The following SNX25 variants were observed in gnomAD, a reference collection of about 807,000 sequenced individuals.
SNX25 encodes sorting nexin 25.
In SNX25, 62 loss-of-function variants were observed where a neutral mutation model predicts 113.7. The observed-to-expected ratio is 0.55, with a 90% confidence interval of 0.44 to 0.67. The LOEUF (loss-of-function observed/expected upper bound fraction) is 0.67. Ranked by LOEUF, SNX25 falls within the 30% of genes least tolerant of loss-of-function variation. The pLI is 0.00. For missense variants in SNX25, 1,014 were observed against 1,161.0 expected (o/e 0.87, Z 1.84); for synonymous variants, 421 against 436.2 (o/e 0.97, Z 0.43).
At chr4:185,365,353 ATTCTTT>A (rs1419766912), downstream of SNX25, 1 of 151,808 alleles carries the variant, frequency 6.6e-6, no homozygotes, top group African/African-American at 2.4e-5. Flanking sequence ...CTATTTTAAG[ATTCTTT>A]TTATTTTTTT....
intron 1 of SNX25, among the ~76,000 whole-genome samples, chr4:185,245,068 C>A (rs185339925): frequency 6.6e-6 from 1 of 151,924 alleles, no homozygotes; most frequent in Non-Finnish European, 1.5e-5. Flanking sequence ...TGAGGGCAAC[C>A]GTAACATTAG....
At chr4:185,236,240 A>C (rs943027278) in intron 1 of SNX25, among the ~76,000 whole-genome samples, 2 of 151,382 alleles carry the variant, frequency 1.3e-5, no homozygotes, top group African/African-American at 4.9e-5. Flanking sequence ...TTTCCCTATA[A>C]CTTTTTATAA....
intron 2 of SNX25, 90 bp downstream of exon 2, chr4:185,247,468 T>C (rs1161740764): frequency 6.9e-6 from 7 of 1,009,322 alleles, no homozygotes; most frequent in Non-Finnish European, 1.1e-5. Context: ...AATTTATTCT[T>C]CTTGTCTGCA....
chr4:185,256,359 T>C (rs1746425458), intron 2 of SNX25, among the ~76,000 whole-genome samples: 2 of 152,356 alleles, frequency 1.3e-5, no homozygotes, highest in East Asian at 1.9e-4. Flanking sequence ...TTTTGAGTTA[T>C]GAAATTTAAA....
At chr4:185,315,424 C>T (rs1430301939) in intron 7 of SNX25, among the ~76,000 whole-genome samples, 2 of 151,076 alleles carry the variant, frequency 1.3e-5, no homozygotes, top group African/African-American at 4.9e-5. Flanking sequence ...CTCCCGAGTA[C>T]CTGGAATTAC....
chr4:185,264,139 A>G (rs2280665), intron 3 of SNX25, among the ~76,000 whole-genome samples: 60,141 of 152,064 alleles, frequency 0.4, 12,477 homozygotes, highest in East Asian at 0.58. Flanking sequence ...CTTAAAAATT[A>G]CTAAATAAAT....
chr4:185,274,305 C>T (rs1251693944), intron 5 of SNX25, among the ~76,000 whole-genome samples: 1 of 152,094 alleles, frequency 6.6e-6, no homozygotes, highest in Admixed American at 6.5e-5. Flanking sequence ...ATGATCCACC[C>T]GCTTCTGCCT....
At chr4:185,206,480 T>C (rs901071406), upstream of SNX25, among the ~76,000 whole-genome samples, 1 of 76,620 alleles carries the variant, frequency 1.3e-5, no homozygotes, top group African/African-American at 7.6e-5. Flanking sequence ...ACCAGCCCGA[T>C]GAACCCCATC....
intron 16 of SNX25, among the ~76,000 whole-genome samples, chr4:185,360,699 A>T (rs1215898118): frequency 3.3e-5 from 5 of 152,108 alleles, no homozygotes; most frequent in Admixed American, 2.6e-4. Flanking sequence ...CTGTAATCCC[A>T]GCACTTTGGG....
At chr4:185,289,924 G>C (rs1751910801) in intron 6 of SNX25, among the ~76,000 whole-genome samples, 1 of 152,186 alleles carries the variant, frequency 6.6e-6, no homozygotes, top group Non-Finnish European at 1.5e-5. Context: ...CACAGTTCTG[G>C]AGGCTGGAAA....
chr4:185,342,930 G>A (rs994592874), intron 12 of SNX25, among the ~76,000 whole-genome samples: 4 of 151,802 alleles, frequency 2.6e-5, no homozygotes, highest in South Asian at 2.1e-4. Flanking sequence ...CTGCTCTGTC[G>A]CCCAGGCTGG....
At chr4:185,307,723 C>T (rs1288566) in intron 6 of SNX25, among the ~76,000 whole-genome samples, 63,681 of 151,986 alleles carry the variant, frequency 0.42, 13,522 homozygotes, top group East Asian at 0.54. Flanking sequence ...TCTCTGATCT[C>T]TTCACCTGTC....
chr4:185,296,522 A>G (rs1173016265), intron 6 of SNX25, among the ~76,000 whole-genome samples: 1 of 152,010 alleles, frequency 6.6e-6, no homozygotes, highest in Admixed American at 6.6e-5. Flanking sequence ...TTCTTTTGGA[A>G]TTTTGGTCTT....
chr4:185,365,487 C>G (rs1351270574), downstream of SNX25: 1 of 152,046 alleles, frequency 6.6e-6, no homozygotes, highest in African/African-American at 2.4e-5. Flanking sequence ...TCCCGAGTAG[C>G]TGGGACTACA....
chr4:185,368,032 G>C (rs1234951374), downstream of SNX25, among the ~76,000 whole-genome samples: 2 of 152,078 alleles, frequency 1.3e-5, no homozygotes, highest in Non-Finnish European at 2.9e-5. Context: ...ACAAAAATTA[G>C]CCAGGCGTGG....
rs758163960 is a variant in SNX25 at position 185,323,786 on chromosome 4, A to C, written c.1735A>C (p.Asn579His). Reference protein sequence around the residue: ...EEKHASQMISNKDEMGPRDEA... With the variant: ...EEKHASQMISHKDEMGPRDEA... Reference sequence around the variant, plus strand: ...AAAACATGCCTCACAGATGATTTCCAACAAGGATGAGATGGTGAGTCACAT... The same window carrying C: ...AAAACATGCCTCACAGATGATTTCCCACAAGGATGAGATGGTGAGTCACAT... The change falls in exon 9 of 19, where the codon AAC becomes CAC. Residue 579 changes from asparagine to histidine, a missense_variant. By Grantham distance (68) the Asn-to-His change is moderately conservative. Transcript: ENST00000652585. The C allele has an allele frequency of 1.9e-6, 3 of 1,613,184 alleles. No individual in the cohort carries two copies. The South Asian group carries it at 3.3e-5, about 18-fold the overall frequency.
intron 1 of SNX25, among the ~76,000 whole-genome samples, chr4:185,224,450 T>TGTAA (rs1553984354): frequency 5.4e-5 from 1 of 18,514 alleles, no homozygotes; most frequent in East Asian, 1.7e-3. Context: ...TATATAAATA[T>TGTAA]ATATATAGAT....
chr4:185,367,531 A>G (rs2095393470), downstream of SNX25, among the ~76,000 whole-genome samples: 1 of 152,200 alleles, frequency 6.6e-6, no homozygotes, highest in Non-Finnish European at 1.5e-5. Context: ...TGAATTATTA[A>G]AATAAGTAAA....
chr4:185,224,524 TATA>T (rs1740617071), intron 1 of SNX25, among the ~76,000 whole-genome samples: 1 of 103,756 alleles, frequency 9.6e-6, no homozygotes, highest in Non-Finnish European at 2.2e-5. Context: ...TATAAATATA[TATA>T]CATATATATA....
Sources: gnomAD v4.1 joint callset for allele counts (sites outside exome capture counted in the v4.1 genomes callset) on GRCh38, gnomAD v4.1.1 for gene constraint, MANE v1.5 for transcripts, NCBI Gene and HGNC (gene_info 2026-07-23, HGNC 2026-07-21) for gene names.